CCDC171: variants seen among roughly 807,000 people sequenced by gnomAD.
The protein encoded by CCDC171 is coiled-coil domain-containing protein 171.
CCDC171 carries 177 observed loss-of-function variants against 168.2 expected under a neutral mutation model. The ratio of observed to expected loss-of-function variants is 1.05; its 90% CI spans 0.93 to 1.19. The LOEUF is 1.19. Ranked by LOEUF, CCDC171 falls within the 50% of genes most tolerant of loss-of-function variation. CCDC171 has a pLI of 0.00. For missense variants in CCDC171, 1,991 were observed against 1,539.0 expected (o/e 1.29, Z -4.91); for synonymous variants, 687 against 540.8 (o/e 1.27, Z -3.75).
intron 3 of CCDC171, among the ~76,000 whole-genome samples, chr9:16,005,119 A>C (rs1202736899): frequency 1.3e-5 from 2 of 152,184 alleles, no homozygotes; most frequent in Admixed American, 1.3e-4. Context: ...CAATTTTAGA[A>C]CTTTCTTATC....
At chr9:15,772,707 A>G (rs938945587) in intron 18 of CCDC171, among the ~76,000 whole-genome samples, 2 of 152,268 alleles carry the variant, frequency 1.3e-5, no homozygotes, top group African/African-American at 2.4e-5. Context: ...TTATTGAGGC[A>G]TAAAAGCAGG....
chr9:15,902,116 G>T (rs914692855), intron 24 of CCDC171, among the ~76,000 whole-genome samples: 3 of 152,068 alleles, frequency 2.0e-5, no homozygotes, highest in Non-Finnish European at 4.4e-5. Context: ...TCAAGGTAAA[G>T]TGACATTTGT....
intron 18 of CCDC171, among the ~76,000 whole-genome samples, chr9:15,769,895 G>T (rs1467910376): frequency 6.6e-6 from 1 of 152,176 alleles, no homozygotes; most frequent in Non-Finnish European, 1.5e-5. Flanking sequence ...AAGAGTTACT[G>T]AAGTTACTTC....
At chr9:15,789,107 G>C (rs1287503851) in intron 21 of CCDC171, among the ~76,000 whole-genome samples, 1 of 152,114 alleles carries the variant, frequency 6.6e-6, no homozygotes, top group Non-Finnish European at 1.5e-5. Flanking sequence ...CCTGGAGGCA[G>C]ATACAGGTTG....
chr9:16,016,151 G>T (rs571118502), intron 3 of CCDC171, among the ~76,000 whole-genome samples: 13 of 152,172 alleles, frequency 8.5e-5, no homozygotes, highest in African/African-American at 3.1e-4. Context: ...TGGATCATAT[G>T]GTAGTTCTGT....
intron 3 of CCDC171, among the ~76,000 whole-genome samples, chr9:16,016,689 GA>G (rs1266228500): frequency 6.6e-6 from 1 of 152,120 alleles, no homozygotes; most frequent in Non-Finnish European, 1.5e-5. Context: ...TCCCTAATAC[GA>G]AAAACAGGTT....
intron 9 of CCDC171, among the ~76,000 whole-genome samples, chr9:15,667,855 T>G (rs144245869): frequency 6.6e-6 from 1 of 152,222 alleles, no homozygotes; most frequent in Non-Finnish European, 1.5e-5. Context: ...TGAATTTCCT[T>G]GCTTCCCTCT....
the CCDC171 span, among the ~76,000 whole-genome samples, chr9:16,097,141 G>T: frequency 6.6e-6 from 1 of 152,290 alleles, no homozygotes; most frequent in Admixed American, 6.5e-5. Flanking sequence ...AACCCATGAG[G>T]CTGGCCTATC....
rs377712536 is a variant in CCDC171 at position 15,591,477 on chromosome 9, G to A, written c.464G>A (p.Arg155Lys). 5.6e-6 allele frequency: 9 copies of A among 1,608,382 alleles called. No individual in the cohort carries two copies. In the Admixed American group the frequency reaches 1.2e-4, roughly 21 times the overall value. Residue 155 changes from arginine to lysine, a missense_variant, in exon 5 of 26, where the codon AGA (arginine) becomes AAA (lysine). Arg to Lys is a conservative substitution (Grantham distance 26). Transcript: ENST00000380701. ...AGATTTGAACATGATTTGGAGGAAA[G>A]AGACAATATGATCCAAAATTGCAAT... ...CRRFEHDLEE[R>K]DNMIQNCNRE...
At chr9:16,095,951 C>T in the CCDC171 span, among the ~76,000 whole-genome samples, 1 of 144,204 alleles carries the variant, frequency 6.9e-6, no homozygotes, top group African/African-American at 2.6e-5. Flanking sequence ...TATATAATAT[C>T]TAGTGCTTAG....
intron 21 of CCDC171, among the ~76,000 whole-genome samples, chr9:15,820,608 G>A (rs1464952343): frequency 8.5e-6 from 1 of 117,238 alleles, no homozygotes; most frequent in Non-Finnish European, 1.9e-5. Context: ...TAAATTCCTC[G>A]ACACATACAC....
intron 24 of CCDC171, among the ~76,000 whole-genome samples, chr9:15,909,298 T>G (rs1315575653): frequency 6.6e-6 from 1 of 152,150 alleles, no homozygotes; most frequent in Non-Finnish European, 1.5e-5. Flanking sequence ...TCTCTAAAAT[T>G]TTGTTTGTGA....
intron 1 of CCDC171, among the ~76,000 whole-genome samples, chr9:15,555,777 G>T (rs1425634479): frequency 1.3e-5 from 2 of 152,106 alleles, no homozygotes; most frequent in African/African-American, 4.8e-5. Context: ...TTGGTGTGCT[G>T]CACCTGTTAA....
At chr9:15,610,516 A>G (rs1270386571) in intron 6 of CCDC171, among the ~76,000 whole-genome samples, 1 of 139,998 alleles carries the variant, frequency 7.1e-6, no homozygotes, top group Admixed American at 7.8e-5. Context: ...AATTCCAGCT[A>G]CTTCGGGAGG....
intron 1 of CCDC171, among the ~76,000 whole-genome samples, chr9:16,057,727 C>T (rs1005422021): frequency 2.0e-5 from 3 of 152,192 alleles, no homozygotes; most frequent in African/African-American, 4.8e-5. Flanking sequence ...CGGGAGGTAG[C>T]AACCGTGATT....
chr9:15,630,865 A>G (rs1030816971), intron 7 of CCDC171, among the ~76,000 whole-genome samples: 1 of 152,198 alleles, frequency 6.6e-6, no homozygotes, highest in South Asian at 2.1e-4. Context: ...GGATTAAGAA[A>G]CTCACTCAAA....
chr9:15,790,356 G>T (rs2058191736), intron 21 of CCDC171, among the ~76,000 whole-genome samples: 1 of 152,168 alleles, frequency 6.6e-6, no homozygotes, highest in Non-Finnish European at 1.5e-5. Context: ...GTGATGATGA[G>T]CATTTTTTCA....
intron 3 of CCDC171, among the ~76,000 whole-genome samples, chr9:16,015,347 G>C (rs923793837): frequency 6.6e-6 from 1 of 152,118 alleles, no homozygotes; most frequent in East Asian, 1.9e-4. Context: ...TTAGTGCCTT[G>C]CTCTGGATTA....
At chr9:16,087,557 C>CT in the CCDC171 span, among the ~76,000 whole-genome samples, 1,592 of 78,758 alleles carry the variant, frequency 0.02, 55 homozygotes, top group African/African-American at 0.042. Context: ...GCAACTCCTG[C>CT]TTTTTTTTTT....
Sources: allele counts gnomAD v4.1 joint callset (sites outside exome capture counted in the v4.1 genomes callset), GRCh38; gene constraint gnomAD v4.1.1; transcripts MANE v1.5; gene names NCBI Gene and HGNC (gene_info 2026-07-23, HGNC 2026-07-21).